Variants in AMD1 observed in about 807,000 individuals in gnomAD.
AMD1 encodes S-adenosylmethionine decarboxylase proenzyme.
Under a neutral mutation model 40.2 loss-of-function variants are expected in AMD1, and 11 were observed. The observed-to-expected ratio is 0.27, with a 90% CI of 0.17 to 0.45. AMD1 has a LOEUF of 0.45. AMD1 is among the 20% of genes least tolerant of loss of function. AMD1 has a pLI of 1.00. For synonymous variants in AMD1, 121 were observed against 130.8 expected (o/e 0.93, Z 0.51); for missense variants, 257 against 410.2 (o/e 0.63, Z 3.23).
chr6:110,849,777 T>C, the AMD1 span, among the ~76,000 whole-genome samples: 45 of 152,264 alleles, frequency 3.0e-4, no homozygotes, highest in African/African-American at 1.1e-3. Context: ...CCTAGCACTT[T>C]GGGAGGCCAA....
the AMD1 span, among the ~76,000 whole-genome samples, chr6:110,836,431 G>A: frequency 6.6e-6 from 1 of 151,994 alleles, no homozygotes; most frequent in Non-Finnish European, 1.5e-5. Flanking sequence ...CATTTATATT[G>A]TGAAGTTAAA....
the AMD1 span, among the ~76,000 whole-genome samples, chr6:110,826,524 T>C: frequency 6.6e-6 from 1 of 151,992 alleles, no homozygotes; most frequent in African/African-American, 2.4e-5. Flanking sequence ...CCATGATCTC[T>C]CTGAAGCCCA....
the AMD1 span, among the ~76,000 whole-genome samples, chr6:110,834,252 T>G: frequency 6.6e-6 from 1 of 152,124 alleles, no homozygotes; most frequent in East Asian, 1.9e-4. Context: ...AGTGGGAGGA[T>G]CGCTTGTGCC....
chr6:110,887,496 A>G lies in AMD1; in HGVS notation c.111-9A>G. On this transcript the variant is annotated splice_polypyrimidine_tract_variant and intron_variant, in intron 1 of 8. Coordinates refer to ENST00000368885, the MANE Select transcript of AMD1 (RefSeq NM_001634.6). ...GTGGATTAATCGTAACTTTTTTGTT[A>G]AATGATAGATCTGAGTGGGACATAC... 2 of 1,589,566 alleles carry G rather than the reference A, an allele frequency of 1.3e-6. No individual in the cohort carries two copies. Among genetic ancestry groups the G allele is most frequent in the African/African-American group, 1.4e-5 (1 of 73,946 alleles).
Position 110,893,811 on chromosome 6 carries a change from A to G in AMD1, c.*195A>G. ...TCAAGGAGTTAGATATCTTGCATGAATGCTCTCTTCTGTGTTTAGGTATTC... is the reference window on the plus strand; with the variant it reads ...TCAAGGAGTTAGATATCTTGCATGAGTGCTCTCTTCTGTGTTTAGGTATTC... On this transcript the variant is annotated 3_prime_UTR_variant, in exon 9 of 9. Transcript: ENST00000368885. 1 of 598,174 alleles carries G rather than the reference A, an allele frequency of 1.7e-6. No individual in the cohort carries two copies. Among genetic ancestry groups the G allele is most frequent in the Non-Finnish European group, 2.8e-6 (1 of 355,972 alleles). The allele number at this position is 598,174 out of a possible 1,614,324, so 37.1% of individuals were successfully genotyped here. A position where few individuals can be genotyped will look rare whatever the true frequency, so the allele number is the denominator to read the frequency against.
intron 6 of AMD1, 116 bp downstream of exon 6, chr6:110,892,559 A>G (rs1645520277): frequency 6.8e-7 from 1 of 1,472,068 alleles, no homozygotes; most frequent in African/African-American, 1.4e-5. Context: ...TACATAGGTA[A>G]ACTTGTGTCA....
At chr6:110,869,743 A>G in the AMD1 span, among the ~76,000 whole-genome samples, 2 of 149,480 alleles carry the variant, frequency 1.3e-5, no homozygotes, top group African/African-American at 4.9e-5. Flanking sequence ...TCCCGACCTC[A>G]GGTGATCCAC....
the AMD1 span, among the ~76,000 whole-genome samples, chr6:110,843,316 T>C: frequency 2.7e-5 from 4 of 150,374 alleles, no homozygotes; most frequent in Admixed American, 6.7e-5. Context: ...ACAAAAAAAT[T>C]AGCTGGGCGC....
chr6:110,814,996 C>T, the AMD1 span: 2 of 1,603,198 alleles, frequency 1.2e-6, no homozygotes, highest in East Asian at 2.3e-5. Flanking sequence ...ACTCCTCCCG[C>T]CCCTGCTCTT....
the AMD1 span, among the ~76,000 whole-genome samples, chr6:110,837,119 T>C: frequency 7.4e-6 from 1 of 134,712 alleles, no homozygotes; most frequent in Non-Finnish European, 1.5e-5. Context: ...ATACCACCAC[T>C]GCACTACAGT....
chr6:110,867,132 A>G, the AMD1 span, among the ~76,000 whole-genome samples: 1 of 120,532 alleles, frequency 8.3e-6, no homozygotes, highest in Admixed American at 1.0e-4. Context: ...TTTCTAAACA[A>G]TTACTTTTTC....
At chr6:110,843,471 A>G in the AMD1 span, among the ~76,000 whole-genome samples, 63 of 151,898 alleles carry the variant, frequency 4.1e-4, no homozygotes, top group Admixed American at 1.2e-3. Flanking sequence ...TCTTGAAAAA[A>G]AAAAAAAAGT....
chr6:110,834,534 T>A, the AMD1 span, among the ~76,000 whole-genome samples: 1 of 152,112 alleles, frequency 6.6e-6, no homozygotes, highest in Non-Finnish European at 1.5e-5. Flanking sequence ...TACATTTTTT[T>A]AAATCTCACT....
At chr6:110,832,332 G>A in the AMD1 span, among the ~76,000 whole-genome samples, 1 of 151,486 alleles carries the variant, frequency 6.6e-6, no homozygotes, top group Admixed American at 6.6e-5. Context: ...TTAATTTTTT[G>A]TAGAGATGAA....
chr6:110,840,894 C>T, the AMD1 span, among the ~76,000 whole-genome samples: 3 of 152,268 alleles, frequency 2.0e-5, no homozygotes, highest in East Asian at 5.8e-4. Flanking sequence ...GAGTTATGAA[C>T]CAGGGACTGT....
At chr6:110,886,921 T>A (rs1562338419) in intron 1 of AMD1, among the ~76,000 whole-genome samples, 1 of 152,258 alleles carries the variant, frequency 6.6e-6, no homozygotes, top group East Asian at 1.9e-4. Context: ...CCTTCATTGC[T>A]ATGGTTGCTT....
the AMD1 span, among the ~76,000 whole-genome samples, chr6:110,835,129 C>T: frequency 6.6e-6 from 1 of 150,964 alleles, no homozygotes; most frequent in Middle Eastern, 3.4e-3. Context: ...CACCATTCTC[C>T]TGCCTCAGCC....
the AMD1 span, among the ~76,000 whole-genome samples, chr6:110,828,248 T>C: frequency 6.6e-6 from 1 of 152,132 alleles, no homozygotes; most frequent in South Asian, 2.1e-4. Flanking sequence ...CTGGCCAACA[T>C]GGCGAAACCC....
chr6:110,844,682 G>A, the AMD1 span, among the ~76,000 whole-genome samples: 1 of 151,866 alleles, frequency 6.6e-6, no homozygotes. Flanking sequence ...TCAGGAGGCT[G>A]AGGCAGGAGA....
Sources: allele counts gnomAD v4.1 joint callset (sites outside exome capture counted in the v4.1 genomes callset), GRCh38; gene constraint gnomAD v4.1.1; transcripts MANE v1.5; gene names NCBI Gene and HGNC (gene_info 2026-07-23, HGNC 2026-07-21).